The following GRIA1 variants were observed in gnomAD, a reference collection of about 807,000 sequenced individuals.
GRIA1 encodes glutamate ionotropic receptor AMPA type subunit 1.
A neutral mutation model predicts 99.2 loss-of-function variants in GRIA1; 31 were observed. That is an observed-to-expected ratio of 0.31 (90% CI 0.23 to 0.42). The LOEUF (loss-of-function observed/expected upper bound fraction) is 0.42. Ranked by LOEUF, GRIA1 falls within the 10% of genes least tolerant of loss-of-function variation. The probability of loss-of-function intolerance (pLI) is 1.00; values close to 1 mark genes in which losing one functional copy is unlikely to be tolerated. For synonymous variants in GRIA1, 438 were observed against 432.4 expected (o/e 1.01, Z -0.16); for missense variants, 782 against 1,157.5 (o/e 0.68, Z 4.71).
chr5:153,632,117 A>G (rs753800784), intron 2 of GRIA1, among the ~76,000 whole-genome samples: 34 of 152,222 alleles, frequency 2.2e-4, no homozygotes, highest in Admixed American at 1.8e-3. Flanking sequence ...CATTTTCAAA[A>G]GAGCTTCCTG....
In GRIA1 at chr5:153,705,822, G is replaced by T. The variant is rs267600499; in HGVS notation, c.1578G>T (p.Pro526=). ...IMIKKPQKSK[P]GVFSFLDPLA... ...TTAAAAAACCACAGAAATCCAAGCC[G>T]GGTGTCTTCTCCTTCCTTGATCCTT... is the stretch of plus-strand genomic sequence containing the variant. Residue 526 remains proline (P), a synonymous_variant, in exon 11 of 16, where the codon CCG becomes CCT. Coordinates refer to ENST00000285900, the MANE Select transcript of GRIA1 (RefSeq NM_000827.4). 1 of 1,613,876 alleles carries T rather than the reference G, an allele frequency of 6.2e-7. No individual in the cohort carries two copies. The highest frequency in any genetic ancestry group is 8.5e-7 in the Non-Finnish European group (1 of 1,179,978).
chr5:153,595,030 C>G (rs917805802), intron 2 of GRIA1, among the ~76,000 whole-genome samples: 2 of 152,014 alleles, frequency 1.3e-5, no homozygotes, highest in Non-Finnish European at 2.9e-5. Flanking sequence ...CTTCACCTTG[C>G]TAAGTCAGTT....
intron 2 of GRIA1, among the ~76,000 whole-genome samples, chr5:153,517,264 C>A (rs1238729236): frequency 6.6e-6 from 1 of 152,186 alleles, no homozygotes; most frequent in Non-Finnish European, 1.5e-5. Flanking sequence ...CTGACAGCAT[C>A]CAGATCCCCA....
chr5:153,694,639 G>T (rs144453311), intron 8 of GRIA1, among the ~76,000 whole-genome samples: 20 of 152,334 alleles, frequency 1.3e-4, no homozygotes, highest in African/African-American at 4.8e-4. Context: ...GAGGACCACA[G>T]AGGTCAGGTA....
intron 11 of GRIA1, among the ~76,000 whole-genome samples, chr5:153,718,667 G>C (rs1759832148): frequency 6.6e-6 from 1 of 152,112 alleles, no homozygotes; most frequent in South Asian, 2.1e-4. Flanking sequence ...CAAAAATCTT[G>C]ATTTTCTTTC....
chr5:153,549,647 A>G (rs575752738), intron 2 of GRIA1, among the ~76,000 whole-genome samples: 33 of 152,286 alleles, frequency 2.2e-4, no homozygotes, highest in African/African-American at 7.5e-4. Flanking sequence ...TTTTCTGGGA[A>G]AGAAAACGAT....
intron 11 of GRIA1, among the ~76,000 whole-genome samples, chr5:153,735,863 C>T (rs1401796455): frequency 6.6e-6 from 1 of 152,084 alleles, no homozygotes; most frequent in African/African-American, 2.4e-5. Flanking sequence ...AGATGGGGAA[C>T]ATTTGTGGAG....
At chr5:153,669,901 C>G (rs1756024291) in intron 5 of GRIA1, among the ~76,000 whole-genome samples, 1 of 152,138 alleles carries the variant, frequency 6.6e-6, no homozygotes, top group Non-Finnish European at 1.5e-5. Context: ...GTTTGTTAGC[C>G]TATATGCTAT....
intron 2 of GRIA1, among the ~76,000 whole-genome samples, chr5:153,555,996 T>C (rs184707018): frequency 6.6e-6 from 1 of 152,320 alleles, no homozygotes. Context: ...AAGATTGCAC[T>C]GTGTCAGGCA....
intron 2 of GRIA1, among the ~76,000 whole-genome samples, chr5:153,537,800 T>C (rs10463249): frequency 0.47 from 70,841 of 152,090 alleles, 18,204 homozygotes; most frequent in Non-Finnish European, 0.59. Flanking sequence ...CCCTTTTATC[T>C]GCAGGTTGAT....
At chr5:153,608,167 C>A (rs1294370682) in intron 2 of GRIA1, among the ~76,000 whole-genome samples, 3 of 152,148 alleles carry the variant, frequency 2.0e-5, no homozygotes, top group African/African-American at 7.2e-5. Context: ...CTTTGCCCCA[C>A]TTCCAGGTAC....
intron 11 of GRIA1, among the ~76,000 whole-genome samples, chr5:153,749,300 G>A (rs1175770388): frequency 6.6e-6 from 1 of 152,038 alleles, no homozygotes; most frequent in African/African-American, 2.4e-5. Flanking sequence ...CCTTTTTCAG[G>A]TATGAAAACT....
At chr5:153,697,980 C>A (rs1758235076) in intron 8 of GRIA1, 64 bp from the exon 9 acceptor site, 4 of 817,076 alleles carry the variant, frequency 4.9e-6, no homozygotes, top group Non-Finnish European at 6.3e-6. Flanking sequence ...ACTGGGTGAC[C>A]CAGAGCAGGC....
At chr5:153,512,022 AG>A (rs1756129890) in intron 2 of GRIA1, among the ~76,000 whole-genome samples, 1 of 152,264 alleles carries the variant, frequency 6.6e-6, no homozygotes, top group Non-Finnish European at 1.5e-5. Context: ...TGCTGCAAAA[AG>A]AGGCAGGTTG....
chr5:153,591,681 T>A (rs1156867977), intron 2 of GRIA1, among the ~76,000 whole-genome samples: 1 of 152,132 alleles, frequency 6.6e-6, no homozygotes, highest in Admixed American at 6.5e-5. Flanking sequence ...ATGGTTGGTC[T>A]AGGAAGGGGT....
chr5:153,599,725 A>G (rs1327000656), intron 2 of GRIA1, among the ~76,000 whole-genome samples: 2 of 152,174 alleles, frequency 1.3e-5, no homozygotes, highest in African/African-American at 2.4e-5. Context: ...AGAGTGGTGC[A>G]AGCCCGCCAG....
At chr5:153,717,089 C>T (rs1759717997) in intron 11 of GRIA1, among the ~76,000 whole-genome samples, 1 of 152,084 alleles carries the variant, frequency 6.6e-6, no homozygotes, top group African/African-American at 2.4e-5. Flanking sequence ...ACTGGGAAGT[C>T]GTGGGTTATG....
chr5:153,553,144 A>G (rs370033732), intron 2 of GRIA1, among the ~76,000 whole-genome samples: 23 of 152,348 alleles, frequency 1.5e-4, no homozygotes, highest in African/African-American at 5.5e-4. Flanking sequence ...TTATTTACTT[A>G]CATTCCAACA....
chr5:153,541,691 GGAGGTCAAAGCAGGCGGATCAA>G (rs1759107721), intron 2 of GRIA1, among the ~76,000 whole-genome samples: 1 of 152,084 alleles, frequency 6.6e-6, no homozygotes, highest in African/African-American at 2.4e-5. Flanking sequence ...CAGCACTTTG[GGAGGTCAAAGCAGGCGGATCAA>G]GAGGTCAAGA....
Sources: gnomAD v4.1 joint callset for allele counts (sites outside exome capture counted in the v4.1 genomes callset) on GRCh38, gnomAD v4.1.1 for gene constraint, MANE v1.5 for transcripts, NCBI Gene and HGNC (gene_info 2026-07-23, HGNC 2026-07-21) for gene names.